NTRK2: variants seen among roughly 807,000 people sequenced by gnomAD.
The protein encoded by NTRK2 is neurotrophic receptor tyrosine kinase 2, also known as BDNF/NT-3 growth factors receptor.
A neutral mutation model predicts 94.5 loss-of-function variants in NTRK2; 13 were observed. That is an observed-to-expected ratio of 0.14 (90% CI 0.09 to 0.22). NTRK2 has a LOEUF of 0.22. Ranked by LOEUF, NTRK2 falls within the 10% of genes least tolerant of loss-of-function variation. NTRK2 has a pLI of 1.00. For synonymous variants in NTRK2, 372 were observed against 407.4 expected (o/e 0.91, Z 1.05); for missense variants, 639 against 1,071.2 (o/e 0.60, Z 5.63).
At chr9:84,791,487 G>C (rs1021329995) in intron 12 of NTRK2, among the ~76,000 whole-genome samples, 1 of 152,108 alleles carries the variant, frequency 6.6e-6, no homozygotes, top group Non-Finnish European at 1.5e-5. Context: ...ATTTTAAAAA[G>C]TTCATCTGCA....
intron 14 of NTRK2, among the ~76,000 whole-genome samples, chr9:84,926,520 C>A (rs1372699412): frequency 6.6e-6 from 1 of 152,112 alleles, no homozygotes; most frequent in Non-Finnish European, 1.5e-5. Context: ...GCATGAGCCA[C>A]CGCACCCGGC....
rs1319350475 is a variant in NTRK2 at position 84,670,467 on chromosome 9, C to T, written c.-282C>T. ...GAGCGCCGCCGGTCGGTGCCCGGCG[C>T]GCCGGGCCATGCAGCGACGGCCGCC... On this transcript the variant is annotated 5_prime_UTR_variant, in exon 2 of 19. Transcript: ENST00000277120. The T allele has an allele frequency of 8.0e-6, 4 of 497,840 alleles. No individual in the cohort carries two copies. Among genetic ancestry groups the T allele is most frequent in the African/African-American group, 3.9e-5 (2 of 51,636 alleles). The allele number at this position is 497,840 out of a possible 1,614,324, so 30.8% of individuals were successfully genotyped here.
chr9:84,778,399 C>T (rs971313573), intron 12 of NTRK2, among the ~76,000 whole-genome samples: 3 of 152,184 alleles, frequency 2.0e-5, no homozygotes, highest in Non-Finnish European at 4.4e-5. Flanking sequence ...CTGATTGTCA[C>T]TGATATTTTT....
chr9:84,961,990 C>G (rs1824995273), intron 17 of NTRK2, among the ~76,000 whole-genome samples: 1 of 152,164 alleles, frequency 6.6e-6, no homozygotes, highest in South Asian at 2.1e-4. Context: ...GGAGTGGGGT[C>G]TTCTTTGCTA....
chr9:84,815,472 C>A (rs1020289991), intron 12 of NTRK2: 3 of 1,040,192 alleles, frequency 2.9e-6, no homozygotes, highest in African/African-American at 1.7e-5. Flanking sequence ...CATGTTCAAC[C>A]ATTTGCTGTA....
At chr9:84,873,886 T>C (rs200267148) in intron 14 of NTRK2, 8 of 1,061,334 alleles carry the variant, frequency 7.5e-6, no homozygotes, top group Non-Finnish European at 5.7e-6. Flanking sequence ...ATAAAGATTA[T>C]GGATTTAGGT....
chr9:84,706,887 C>T (rs1224270878), intron 4 of NTRK2, among the ~76,000 whole-genome samples: 1 of 152,116 alleles, frequency 6.6e-6, no homozygotes, highest in Admixed American at 6.5e-5. Context: ...GCAGGAAACA[C>T]ACACTGAAAG....
chr9:84,972,420 A>C (rs551287534), intron 17 of NTRK2, among the ~76,000 whole-genome samples: 1 of 152,192 alleles, frequency 6.6e-6, no homozygotes, highest in African/African-American at 2.4e-5. Flanking sequence ...ATTGTGTTCT[A>C]TGGAACCCAG....
At chr9:84,853,494 A>G (rs1427036432) in intron 12 of NTRK2, among the ~76,000 whole-genome samples, 1 of 152,230 alleles carries the variant, frequency 6.6e-6, no homozygotes, top group Non-Finnish European at 1.5e-5. Context: ...AGTAGCAAAT[A>G]TATTTGCAAA....
At chr9:84,925,906 A>T (rs2077748031) in intron 14 of NTRK2, among the ~76,000 whole-genome samples, 1 of 152,178 alleles carries the variant, frequency 6.6e-6, no homozygotes, top group Admixed American at 6.5e-5. Flanking sequence ...TCATGGACTC[A>T]ATGCCTGTGG....
At chr9:84,779,642 G>GT (rs1003036326) in intron 12 of NTRK2, among the ~76,000 whole-genome samples, 40 of 152,160 alleles carry the variant, frequency 2.6e-4, no homozygotes, top group Admixed American at 7.9e-4. Context: ...ACCTTTTTTT[G>GT]TTTTTTTGAC....
At chr9:84,965,077 CA>C (rs1352974496) in intron 17 of NTRK2, among the ~76,000 whole-genome samples, 11 of 152,084 alleles carry the variant, frequency 7.2e-5, no homozygotes, top group Admixed American at 6.6e-4. Flanking sequence ...GAGTATTGAG[CA>C]AGAGGAAATT....
intron 12 of NTRK2, among the ~76,000 whole-genome samples, chr9:84,825,011 G>C (rs2073095756): frequency 6.7e-6 from 1 of 148,760 alleles, no homozygotes; most frequent in South Asian, 2.1e-4. Context: ...TTTTTTAACT[G>C]AGTTCATCAC....
chr9:84,787,319 A>AAAACAAAC (rs201059157), intron 12 of NTRK2, among the ~76,000 whole-genome samples: 9 of 151,910 alleles, frequency 5.9e-5, no homozygotes, highest in Non-Finnish European at 1.0e-4. Flanking sequence ...ACAAACAAAC[A>AAAACAAAC]AAACAAACAA....
At chr9:84,913,494 A>T (rs1363610668) in intron 14 of NTRK2, among the ~76,000 whole-genome samples, 1 of 152,168 alleles carries the variant, frequency 6.6e-6, no homozygotes, top group Non-Finnish European at 1.5e-5. Context: ...AATGTGTTGC[A>T]TGCATTTACC....
At chr9:84,809,054 G>A (rs1176898728) in intron 12 of NTRK2, among the ~76,000 whole-genome samples, 1 of 152,158 alleles carries the variant, frequency 6.6e-6, no homozygotes, top group Non-Finnish European at 1.5e-5. Flanking sequence ...ATTAAACACA[G>A]TATTATGTAT....
At chr9:84,733,021 T>A (rs117731471) in intron 9 of NTRK2, among the ~76,000 whole-genome samples, 4,426 of 152,140 alleles carry the variant, frequency 0.029, 89 homozygotes, top group Non-Finnish European at 0.043. Flanking sequence ...ACACTCATAG[T>A]CTCTTGTCCC....
At chr9:84,997,087 C>A (rs891699681) in intron 17 of NTRK2, among the ~76,000 whole-genome samples, 1 of 152,182 alleles carries the variant, frequency 6.6e-6, no homozygotes, top group Admixed American at 6.5e-5. Flanking sequence ...GCATGCATAC[C>A]TTTTACAGTC....
intron 12 of NTRK2, among the ~76,000 whole-genome samples, chr9:84,826,052 C>T (rs2073164424): frequency 6.6e-6 from 1 of 152,128 alleles, no homozygotes; most frequent in Non-Finnish European, 1.5e-5. Context: ...TAAATTCCAC[C>T]CCCCACCCGC....
Sources: allele counts gnomAD v4.1 joint callset (sites outside exome capture counted in the v4.1 genomes callset), GRCh38; gene constraint gnomAD v4.1.1; transcripts MANE v1.5; gene names NCBI Gene and HGNC (gene_info 2026-07-23, HGNC 2026-07-21).